The following KLK4 variants were observed in gnomAD, a reference collection of about 807,000 sequenced individuals.
KLK4 encodes the protein kallikrein-4.
A neutral mutation model predicts 24.3 loss-of-function variants in KLK4; 24 were observed. The observed-to-expected ratio is 0.99, with a 90% CI of 0.72 to 1.39. KLK4 has a LOEUF of 1.39. Ranked by LOEUF, KLK4 falls within the 40% of genes most tolerant of loss-of-function variation. KLK4 has a pLI of 0.00. For missense variants in KLK4, 344 were observed against 327.4 expected, an observed-to-expected ratio of 1.05 and a Z score of -0.39; for synonymous variants, 142 against 138.8, an observed-to-expected ratio of 1.02 and a Z score of -0.16.
chr19:50,909,299 G>A, exon 3 of KLK4: 1 of 1,614,204 alleles, frequency 6.2e-7, no homozygotes, highest in Non-Finnish European at 8.5e-7. Context: ...GATGCACCAG[G>A]ACGCCCGAGC....
intron 2 of KLK4, among the ~76,000 whole-genome samples, chr19:50,909,815 G>T (rs2090471201): frequency 6.6e-6 from 1 of 151,968 alleles, no homozygotes; most frequent in African/African-American, 2.4e-5. Context: ...GGGTAGTCAG[G>T]GCTCCTGGGA....
chr19:50,910,698 T>C lies in KLK4; in HGVS notation c.41A>G (p.Tyr14Cys). Reference sequence around the variant, plus strand: ...GATACCTGCGACACCAAGGATGAGGTACCCCAGGAACCAGCCCCAGGGATT... The same window carrying C: ...GATACCTGCGACACCAAGGATGAGGCACCCCAGGAACCAGCCCCAGGGATT... Residue 14 changes from tyrosine (Y) to cysteine (C), a missense_variant, in exon 2 of 6, where the codon TAC (tyrosine) becomes TGC (cysteine). By Grantham distance (194) the Tyr-to-Cys change is radical (BLOSUM62 -2). Coordinates refer to ENST00000324041, the Ensembl canonical transcript of KLK4. The surrounding 1 kb of genome is among the most constrained non-coding windows in gnomAD (Gnocchi z 4.4). 6.4e-7 allele frequency: 1 copy of C among 1,555,672 alleles called. No individual in the cohort carries two copies. The highest frequency in any genetic ancestry group is 8.7e-7 in the Non-Finnish European group (1 of 1,148,912).
chr19:50,909,301 C>T, exon 3 of KLK4: 1 of 1,614,222 alleles, frequency 6.2e-7, no homozygotes, highest in Non-Finnish European at 8.5e-7. Context: ...TGCACCAGGA[C>T]GCCCGAGCAG....
At chr19:50,907,159 C>T in intron 5 of KLK4, 73 bp from the exon 6 acceptor site, 1 of 1,448,070 alleles carries the variant, frequency 6.9e-7, no homozygotes, top group South Asian at 1.1e-5. Context: ...CAGAAAGGAA[C>T]TAAATGAGAC....
exon 4 of KLK4, chr19:50,908,795 C>T (rs1332382476): frequency 6.2e-7 from 1 of 1,613,452 alleles, no homozygotes; most frequent in East Asian, 2.2e-5. Context: ...TGGTCGGCCT[C>T]AAGACTGTGC....
Position 50,908,849 on chromosome 19 carries a change from G to C in KLK4, c.225-20C>G, listed in dbSNP as rs755649172. 1.2e-6 allele frequency: 2 copies of C among 1,608,616 alleles called. No homozygotes were observed. The highest frequency in any genetic ancestry group is 1.7e-5 in the Admixed American group (1 of 59,996). On this transcript the variant is annotated intron_variant, in intron 3 of 5. Transcript: ENST00000324041. ...TAGGAGCTGTGGGCCACGGAGGGCA[G>C]GTCAGTTTTGTGGCAACTACATCCT...
In KLK4 at chr19:50,908,358, C is replaced by T; in HGVS notation, c.612+1G>A. The T allele has an allele frequency of 6.2e-7, 1 of 1,613,068 alleles. No individual in the cohort carries two copies. The highest frequency in any genetic ancestry group is 8.5e-7 in the Non-Finnish European group (1 of 1,180,012). ...CTGCCCTCCCCTTTCCCCTCTCTCACGTTGCAGGAGTCCTTCTGGTCTTGC... is the reference window on the plus strand; with the variant it reads ...CTGCCCTCCCCTTTCCCCTCTCTCATGTTGCAGGAGTCCTTCTGGTCTTGC... On this transcript the variant is annotated splice_donor_variant, in intron 5 of 5. Transcript: ENST00000324041. LOFTEE classifies it high-confidence loss of function.
chr19:50,910,634 G>A lies in KLK4; in HGVS notation c.61+44C>T, dbSNP rs1004771647. On this transcript the variant is annotated intron_variant, in intron 2 of 5. Transcript: ENST00000324041. This position sits in a 1 kb window ranked among gnomAD's most constrained non-coding sequence, Gnocchi z 4.4. ...TCACACCTGAACATTAACAAACACTGTGCCCCCAAGCACGGACAGACACAC... is the reference window on the plus strand; with the variant it reads ...TCACACCTGAACATTAACAAACACTATGCCCCCAAGCACGGACAGACACAC... The A allele has an allele frequency of 3.3e-6, 5 of 1,520,230 alleles. No homozygotes were observed. The highest frequency in any genetic ancestry group is 4.5e-6 in the Non-Finnish European group (5 of 1,118,454). 94.2% of individuals were successfully genotyped at this position (1,520,230 alleles called of 1,614,324 possible). A position where few individuals can be genotyped will look rare whatever the true frequency, so the allele number is the denominator to read the frequency against.
At chr19:50,908,607 G>A (rs2090455414) in exon 4 of KLK4, 4 of 1,614,212 alleles carry the variant, frequency 2.5e-6, no homozygotes, top group Non-Finnish European at 3.4e-6. Flanking sequence ...AGCCAGAAAC[G>A]AGGCAAGAGT....
chr19:50,908,381 T>C (rs769566955), exon 5 of KLK4: 1 of 1,613,806 alleles, frequency 6.2e-7, no homozygotes, highest in Non-Finnish European at 8.5e-7. Context: ...CTTCTGGTCT[T>C]GCCCTCCGCC....
chr19:50,909,064 C>CT, intron 3 of KLK4, 188 bp downstream of exon 3: 2 of 1,480,606 alleles, frequency 1.4e-6, no homozygotes, highest in Non-Finnish European at 1.8e-6. Context: ...TCAGGACTCT[C>CT]TGAGTCCTTC....
At chr19:50,908,670 C>T (rs1437908996) in exon 4 of KLK4, 2 of 1,614,206 alleles carry the variant, frequency 1.2e-6, no homozygotes, top group Non-Finnish European at 1.7e-6. Flanking sequence ...TGGTGTCAGA[C>T]TCGGACACGG....
intron 2 of KLK4, 39 bp from the exon 3 acceptor site, chr19:50,909,453 C>G (rs765924085): frequency 6.2e-7 from 1 of 1,608,952 alleles, no homozygotes; most frequent in South Asian, 1.1e-5. Flanking sequence ...GACCAGGAGG[C>G]GGGCCCAGGG....
intron 5 of KLK4, 70 bp from the exon 6 acceptor site, chr19:50,907,156 G>T: frequency 3.4e-6 from 5 of 1,485,196 alleles, no homozygotes; most frequent in Non-Finnish European, 4.7e-6. Context: ...GCTCAGAAAG[G>T]AACTAAATGA....
At chr19:50,908,927 C>T in intron 3 of KLK4, 98 bp from the exon 4 acceptor site, 1 of 1,558,094 alleles carries the variant, frequency 6.4e-7, no homozygotes, top group Non-Finnish European at 8.6e-7. Context: ...CTAACCCCAA[C>T]CCCACCCTCT....
chr19:50,907,613 G>A (rs2090445820), intron 5 of KLK4, among the ~76,000 whole-genome samples: 2 of 151,832 alleles, frequency 1.3e-5, no homozygotes, highest in Admixed American at 6.6e-5. Context: ...CACCATTTTG[G>A]CCAGGCTGGT....
intron 5 of KLK4, 80 bp downstream of exon 5, chr19:50,908,279 C>T (rs1433136445): frequency 1.8e-5 from 28 of 1,550,178 alleles, no homozygotes; most frequent in Non-Finnish European, 2.3e-5. Flanking sequence ...CTGCATCTCG[C>T]CATGCGGCCC....
At position 50,909,109 on chromosome 19, in the gene KLK4, TG is replaced by T. The variant is rs11344278; in HGVS notation, c.224+142del. ...ATTCCCGCCTCCCAGCCCTTCCCTC[TG>T]GGGCTCCCCGGATCCAGGCTCATTC... On this transcript the variant is annotated intron_variant, in intron 3 of 5. Transcript: ENST00000324041. The T allele has an allele frequency of 1, 1,538,602 of 1,538,604 alleles. 769,300 individuals are homozygous for T. Among genetic ancestry groups the T allele is most frequent in the Middle Eastern group, 1 (4,282 of 4,282 alleles).
rs147857832 is a variant in KLK4 at position 50,907,404 on chromosome 19, CTTTT to C, written c.613-322_613-319del. ...GTGTCTCTGCATCTCTTTGTAAAGT[CTTTT>C]TTTTTTTTTTTTTTTTGAGACAGAG... On this transcript the variant is annotated intron_variant, in intron 5 of 5. Transcript: ENST00000324041. Among the ~76,000 whole-genome samples the C allele has an allele frequency of 8.4e-3, 929 of 110,670 alleles. 9 individuals are homozygous for C. Among genetic ancestry groups the C allele is most frequent in the African/African-American group, 0.03 (884 of 29,072 alleles). The allele number at this position is 110,670 out of a possible 152,430, so 72.6% of individuals were successfully genotyped here. A position where few individuals can be genotyped will look rare whatever the true frequency, so the allele number is the denominator to read the frequency against.
Sources: allele counts gnomAD v4.1 joint callset (sites outside exome capture counted in the v4.1 genomes callset), GRCh38; gene constraint gnomAD v4.1.1; non-coding constraint Gnocchi (gnomAD v3.1); transcripts MANE v1.5; gene names NCBI Gene and HGNC (gene_info 2026-07-23, HGNC 2026-07-21).